Variants in ADCY8 observed in about 807,000 individuals in gnomAD.
ADCY8 encodes adenylate cyclase 8, also known as adenylate cyclase type 8.
Under a neutral mutation model 119.7 loss-of-function variants are expected in ADCY8, and 51 were observed. That is an observed-to-expected ratio of 0.43 (90% CI 0.34 to 0.54). The LOEUF (loss-of-function observed/expected upper bound fraction) is 0.54. Among genes scored for constraint, ADCY8 ranks in the 20% least tolerant of loss-of-function variants. ADCY8 has a pLI of 0.03. For synonymous variants in ADCY8, 665 were observed against 651.0 expected, an observed-to-expected ratio of 1.02 and a Z score of -0.33; for missense variants, 1,383 against 1,598.8, an observed-to-expected ratio of 0.87 and a Z score of 2.30.
At chr8:130,974,017 A>G (rs1042473976) in intron 2 of ADCY8, among the ~76,000 whole-genome samples, 1 of 152,230 alleles carries the variant, frequency 6.6e-6, no homozygotes, top group Non-Finnish European at 1.5e-5. Context: ...CTTGACACAC[A>G]AGCCAATACT....
At chr8:130,967,635 A>G (rs1023043937) in intron 2 of ADCY8, among the ~76,000 whole-genome samples, 2 of 152,176 alleles carry the variant, frequency 1.3e-5, no homozygotes, top group African/African-American at 4.8e-5. Context: ...TCTATATTCC[A>G]TGGATATGGT....
Position 130,830,935 on chromosome 8 carries a change from G to T in ADCY8, c.2675+5342C>A, listed in dbSNP as rs189238869. ...GCCTATGTTTTAAGAAGTCAACAAG[G>T]TGTAGGTAGTGTGGAAATAGTATCT... On this transcript the variant is annotated intron_variant, in intron 12 of 17. Transcript: ENST00000286355. Among the ~76,000 whole-genome samples, 22 of 152,346 alleles carry T rather than the reference G, an allele frequency of 1.4e-4. No individual in the cohort carries two copies. The East Asian group carries it at 1.7e-3, about 12-fold the overall frequency.
chr8:130,828,067 G>T (rs1256141756), intron 12 of ADCY8, among the ~76,000 whole-genome samples: 1 of 152,072 alleles, frequency 6.6e-6, no homozygotes, highest in Non-Finnish European at 1.5e-5. Context: ...TCCAGCTGGG[G>T]CTAACCCCCG....
chr8:130,783,247 A>G (rs1815142704), intron 17 of ADCY8, among the ~76,000 whole-genome samples: 1 of 152,220 alleles, frequency 6.6e-6, no homozygotes, highest in Non-Finnish European at 1.5e-5. Context: ...CTGGAAGTAT[A>G]GTATCTGCCA....
chr8:130,847,526 A>C lies in ADCY8; in HGVS notation c.2413-13T>G, dbSNP rs781380186. 1.0e-5 allele frequency: 14 copies of C among 1,344,520 alleles called. No individual in the cohort carries two copies. Among genetic ancestry groups the C allele is most frequent in the Non-Finnish European group, 1.4e-5 (14 of 996,214 alleles). The allele number at this position is 1,344,520 out of a possible 1,614,324, so 83.3% of individuals were successfully genotyped here. A position where few individuals can be genotyped will look rare whatever the true frequency, so the allele number is the denominator to read the frequency against. On this transcript the variant is annotated splice_polypyrimidine_tract_variant and intron_variant, in intron 10 of 17. Coordinates refer to ENST00000286355, the MANE Select transcript of ADCY8 (RefSeq NM_001115.3). ...AATCACACCACAGCTGCGGATTAAA[A>C]AAAAAAAAAAAAGAACAACAAAAAC...
intron 2 of ADCY8, among the ~76,000 whole-genome samples, chr8:130,965,723 T>A (rs1029911255): frequency 8.5e-5 from 13 of 152,244 alleles, no homozygotes; most frequent in African/African-American, 2.4e-4. Context: ...GAAGTTTTTT[T>A]AAAAATGGCT....
chr8:130,943,130 C>T (rs142874185), intron 4 of ADCY8, among the ~76,000 whole-genome samples: 10 of 152,282 alleles, frequency 6.6e-5, no homozygotes, highest in East Asian at 1.9e-4. Context: ...CTCAACCAGC[C>T]GTCTCTCAAT....
rs1401983352 is a variant in ADCY8 at position 130,791,162 on chromosome 8, G to A, written c.3061-5687C>T. ...ATGAAGCTTATACTCTATTGTGGGT[G>A]AAACAATCAAAAAGAAATTTTACAG... On this transcript the variant is annotated intron_variant, in intron 15 of 17. Transcript: ENST00000286355. Among the ~76,000 whole-genome samples, 4 of 152,194 alleles carry A rather than the reference G, an allele frequency of 2.6e-5. No homozygotes were observed. The East Asian group carries it at 7.7e-4, about 29-fold the overall frequency.
intron 12 of ADCY8, among the ~76,000 whole-genome samples, chr8:130,824,092 G>T (rs1315020552): frequency 6.6e-6 from 1 of 152,144 alleles, no homozygotes; most frequent in African/African-American, 2.4e-5. Context: ...GTCAGAGCCA[G>T]GATGAGAACT....
At chr8:130,889,574 C>T (rs763641049) in intron 7 of ADCY8, among the ~76,000 whole-genome samples, 5 of 151,980 alleles carry the variant, frequency 3.3e-5, no homozygotes, top group African/African-American at 7.3e-5. Flanking sequence ...GACCTGTTTC[C>T]GATTTCTGAA....
chr8:130,953,472 C>G (rs1332228841), intron 2 of ADCY8, among the ~76,000 whole-genome samples: 12 of 152,150 alleles, frequency 7.9e-5, no homozygotes, highest in Admixed American at 7.9e-4. Context: ...GATTAAGTTA[C>G]TTGCACAACC....
rs189109595 is a variant in ADCY8 at position 131,035,440 on chromosome 8, G to T, written c.960+3934C>A. ...TCAATGTTTGTAGTGTGTTAATTGA[G>T]TAGAGAAAACATAAACCATCTCTTT... On this transcript the variant is annotated intron_variant, in intron 1 of 17. Transcript: ENST00000286355. 7.2e-5 allele frequency among the ~76,000 whole-genome samples: 11 copies of T among 152,262 alleles called. No homozygotes were observed. The East Asian group carries it at 2.1e-3, about 29-fold the overall frequency.
intron 8 of ADCY8, among the ~76,000 whole-genome samples, chr8:130,879,060 A>G (rs925514360): frequency 5.3e-5 from 8 of 152,196 alleles, no homozygotes; most frequent in African/African-American, 1.9e-4. Context: ...CTCTCTTAAG[A>G]TGCTAAAGTT....
intron 2 of ADCY8, among the ~76,000 whole-genome samples, chr8:130,974,587 A>G (rs931788111): frequency 1.3e-5 from 2 of 152,220 alleles, no homozygotes; most frequent in Non-Finnish European, 2.9e-5. Context: ...ATATGCCTGT[A>G]TGCCTTTGTG....
At chr8:130,966,645 G>A (rs1821771566) in intron 2 of ADCY8, among the ~76,000 whole-genome samples, 1 of 152,222 alleles carries the variant, frequency 6.6e-6, no homozygotes, top group African/African-American at 2.4e-5. Flanking sequence ...CGGCAGCATA[G>A]TAGAGGAATA....
intron 15 of ADCY8, among the ~76,000 whole-genome samples, chr8:130,786,263 G>C (rs1815245599): frequency 6.6e-6 from 1 of 152,182 alleles, no homozygotes; most frequent in Admixed American, 6.5e-5. Context: ...AGAGAAGAAT[G>C]AATGAGTGAA....
At chr8:130,897,198 C>A (rs1819423326) in intron 7 of ADCY8, among the ~76,000 whole-genome samples, 1 of 152,054 alleles carries the variant, frequency 6.6e-6, no homozygotes, top group South Asian at 2.1e-4. Flanking sequence ...CTCTGAGGAG[C>A]CTGAGGCTCA....
At chr8:130,875,619 T>G (rs1452902058) in intron 8 of ADCY8, among the ~76,000 whole-genome samples, 1 of 152,238 alleles carries the variant, frequency 6.6e-6, no homozygotes, top group East Asian at 1.9e-4. Flanking sequence ...AGCCTTCTTT[T>G]CTTTGCCCAG....
At chr8:130,856,130 C>T (rs1162338543) in intron 9 of ADCY8, among the ~76,000 whole-genome samples, 3 of 152,020 alleles carry the variant, frequency 2.0e-5, no homozygotes, top group Non-Finnish European at 4.4e-5. Context: ...TGAGCTGTCA[C>T]TGTCATCTCC....
Sources: gnomAD v4.1 joint callset for allele counts (sites outside exome capture counted in the v4.1 genomes callset) on GRCh38, gnomAD v4.1.1 for gene constraint, MANE v1.5 for transcripts, NCBI Gene and HGNC (gene_info 2026-07-23, HGNC 2026-07-21) for gene names.